Variants in PDE4D observed in about 807,000 individuals in gnomAD.
The protein encoded by PDE4D is 3',5'-cyclic-AMP phosphodiesterase 4D.
Under a neutral mutation model 87.4 loss-of-function variants are expected in PDE4D, and 24 were observed. The observed-to-expected ratio is 0.27, with a 90% confidence interval of 0.20 to 0.39. The LOEUF is 0.39. Ranked by LOEUF, PDE4D falls within the 10% of genes least tolerant of loss-of-function variation. The pLI is 1.00. For synonymous variants in PDE4D, 384 were observed against 383.2 expected, an observed-to-expected ratio of 1.00 and a Z score of -0.02; for missense variants, 714 against 1,041.0, an observed-to-expected ratio of 0.69 and a Z score of 4.32.
At chr5:59,168,580 A>G (rs1782255732) in intron 5 of PDE4D, among the ~76,000 whole-genome samples, 1 of 152,234 alleles carries the variant, frequency 6.6e-6, no homozygotes. Context: ...GTGCATCCAC[A>G]GATCTTATCC....
intron 1 of PDE4D, among the ~76,000 whole-genome samples, chr5:59,536,028 A>G (rs1815153332): frequency 6.6e-6 from 1 of 152,218 alleles, no homozygotes; most frequent in Non-Finnish European, 1.5e-5. Context: ...GATCTCTTCC[A>G]AGACTTAAAG....
intron 2 of PDE4D, among the ~76,000 whole-genome samples, chr5:60,025,860 C>A (rs1766567210): frequency 1.3e-5 from 2 of 152,130 alleles, no homozygotes; most frequent in African/African-American, 4.8e-5. Context: ...CCAGCCTGGG[C>A]AATACAGTGA....
At chr5:59,047,623 A>G (rs1245570712) in intron 5 of PDE4D, among the ~76,000 whole-genome samples, 1 of 152,252 alleles carries the variant, frequency 6.6e-6, no homozygotes, top group Non-Finnish European at 1.5e-5. Context: ...AAGGGGAAGG[A>G]GAAGCTGCAG....
At chr5:59,271,038 ATT>A (rs200298144) in intron 1 of PDE4D, among the ~76,000 whole-genome samples, 27 of 148,384 alleles carry the variant, frequency 1.8e-4, no homozygotes, top group African/African-American at 6.2e-4. Flanking sequence ...AGAAAAATGG[ATT>A]TTTTTTTTTT....
At chr5:59,702,579 GC>G (rs1161414703) in intron 1 of PDE4D, among the ~76,000 whole-genome samples, 1 of 151,708 alleles carries the variant, frequency 6.6e-6, no homozygotes, top group Non-Finnish European at 1.5e-5. Context: ...GTTTCCCATG[GC>G]CAGATGCAGT....
upstream of PDE4D, among the ~76,000 whole-genome samples, chr5:60,489,318 C>T (rs567726019): frequency 2.8e-4 from 43 of 152,188 alleles, no homozygotes; most frequent in East Asian, 9.6e-4. Context: ...TTCATAGTGA[C>T]GATAGAATAT....
intron 1 of PDE4D, among the ~76,000 whole-genome samples, chr5:59,707,144 G>A (rs915476039): frequency 6.6e-6 from 1 of 152,074 alleles, no homozygotes; most frequent in Non-Finnish European, 1.5e-5. Context: ...CGTCTTCTTA[G>A]CTGTACACAG....
chr5:59,499,757 G>T (rs965055633), intron 1 of PDE4D, among the ~76,000 whole-genome samples: 2 of 151,870 alleles, frequency 1.3e-5, no homozygotes, highest in African/African-American at 4.8e-5. Flanking sequence ...CCAATAACAA[G>T]TAATGAAATT....
intron 1 of PDE4D, chr5:59,356,952 G>A: frequency 7.3e-7 from 1 of 1,361,416 alleles, no homozygotes; most frequent in South Asian, 1.8e-5. Flanking sequence ...TTGTAGCTGA[G>A]TGAGGGCATT....
intron 1 of PDE4D, among the ~76,000 whole-genome samples, chr5:60,327,762 G>C (rs59813460): frequency 0.018 from 2,771 of 152,240 alleles, 97 homozygotes; most frequent in African/African-American, 0.063. Context: ...CAAACATATA[G>C]TGAAATATTA....
At chr5:59,999,957 A>T (rs1238213719) in intron 2 of PDE4D, among the ~76,000 whole-genome samples, 1 of 152,028 alleles carries the variant, frequency 6.6e-6, no homozygotes, top group Non-Finnish European at 1.5e-5. Context: ...AGAGCATTTC[A>T]ACAGATGACT....
chr5:60,478,252 C>T (rs1377922163), intron 1 of PDE4D, among the ~76,000 whole-genome samples: 1 of 152,174 alleles, frequency 6.6e-6, no homozygotes, highest in South Asian at 2.1e-4. Context: ...TGAGAAAATA[C>T]ATTTAATGTA....
chr5:60,302,123 C>A (rs1303413213), intron 1 of PDE4D, among the ~76,000 whole-genome samples: 1 of 151,986 alleles, frequency 6.6e-6, no homozygotes, highest in African/African-American at 2.4e-5. Context: ...AGGATATTGG[C>A]CTGAAGTTTT....
At chr5:59,555,780 C>T (rs929246467) in intron 1 of PDE4D, among the ~76,000 whole-genome samples, 1 of 152,114 alleles carries the variant, frequency 6.6e-6, no homozygotes, top group Non-Finnish European at 1.5e-5. Flanking sequence ...GGTGGCTATG[C>T]AAATTAATCC....
intron 3 of PDE4D, among the ~76,000 whole-genome samples, chr5:59,984,996 AT>A (rs1762273992): frequency 6.6e-6 from 1 of 152,190 alleles, no homozygotes; most frequent in Admixed American, 6.5e-5. Flanking sequence ...TAATGAGGCA[AT>A]GGGCTGGAGA....
intron 3 of PDE4D, among the ~76,000 whole-genome samples, chr5:59,929,193 CAT>C (rs1434642308): frequency 6.6e-6 from 1 of 152,092 alleles, no homozygotes; most frequent in East Asian, 1.9e-4. Flanking sequence ...ACTTTTACTA[CAT>C]GTCATCCATA....
chr5:59,332,978 C>G (rs1396877022), intron 1 of PDE4D, among the ~76,000 whole-genome samples: 2 of 152,192 alleles, frequency 1.3e-5, no homozygotes, highest in Non-Finnish European at 2.9e-5. Flanking sequence ...AGCTGAAACA[C>G]CTCCGGTGCC....
intron 1 of PDE4D, among the ~76,000 whole-genome samples, chr5:60,295,003 TA>T (rs1348744744): frequency 6.6e-6 from 1 of 152,110 alleles, no homozygotes; most frequent in African/African-American, 2.4e-5. Flanking sequence ...GAGCAAAGTA[TA>T]TCTCTCCATT....
chr5:59,362,281 A>G lies in PDE4D; in HGVS notation c.456-146313T>C, dbSNP rs145477891. Among the ~76,000 whole-genome samples the G allele has an allele frequency of 3.1e-3, 467 of 152,310 alleles. 4 individuals are homozygous for G. The highest frequency in any genetic ancestry group is 0.01 in the African/African-American group (431 of 41,572). On this transcript the variant is annotated intron_variant, in intron 1 of 14. Transcript: ENST00000340635. ...CATCTTTAAGTTCTAAAAATTGCCA[A>G]TTGGTTACTTCATGAGCATGGTAAA... is the stretch of plus-strand genomic sequence containing the variant.
Sources: allele counts gnomAD v4.1 joint callset (sites outside exome capture counted in the v4.1 genomes callset), GRCh38; gene constraint gnomAD v4.1.1; transcripts MANE v1.5; gene names NCBI Gene and HGNC (gene_info 2026-07-23, HGNC 2026-07-21).